EDN3: variants seen among roughly 807,000 people sequenced by gnomAD.
EDN3 encodes endothelin 3, also known as endothelin-3.
Under a neutral mutation model 21.4 loss-of-function variants are expected in EDN3, and 9 were observed. That is an observed-to-expected ratio of 0.42 (90% CI 0.25 to 0.73). The LOEUF (loss-of-function observed/expected upper bound fraction) is 0.73, where lower values mean the gene tolerates loss of function less well. Among genes scored for constraint, EDN3 ranks in the 30% least tolerant of loss-of-function variants. The pLI is 0.26. For synonymous variants in EDN3, 133 were observed against 126.2 expected, an observed-to-expected ratio of 1.05 and a Z score of -0.36; for missense variants, 327 against 309.4, an observed-to-expected ratio of 1.06 and a Z score of -0.43.
At chr20:59,302,927 C>T (rs1336615108) in intron 2 of EDN3, among the ~76,000 whole-genome samples, 4 of 152,088 alleles carry the variant, frequency 2.6e-5, no homozygotes, top group South Asian at 2.1e-4. Flanking sequence ...GAAGTGCAGA[C>T]GAGGGTAGTA....
intron 2 of EDN3, among the ~76,000 whole-genome samples, chr20:59,303,114 T>C (rs1989162034): frequency 6.6e-6 from 1 of 152,240 alleles, no homozygotes; most frequent in East Asian, 1.9e-4. Context: ...CTTAAAGTCC[T>C]GCTGTCACTG....
At chr20:59,317,387 C>T (rs1386060265) in intron 2 of EDN3, among the ~76,000 whole-genome samples, 1 of 152,192 alleles carries the variant, frequency 6.6e-6, no homozygotes, top group Admixed American at 6.5e-5. Flanking sequence ...ACTTGACCTC[C>T]CAGACCAGAT....
chr20:59,306,488 A>C (rs1272639000), intron 2 of EDN3, among the ~76,000 whole-genome samples: 2 of 151,408 alleles, frequency 1.3e-5, no homozygotes, highest in African/African-American at 4.8e-5. Context: ...TCCTATCAAG[A>C]TGCCCAGGCC....
At chr20:59,304,262 A>G (rs183270307) in intron 2 of EDN3, among the ~76,000 whole-genome samples, 18 of 152,314 alleles carry the variant, frequency 1.2e-4, no homozygotes, top group Admixed American at 1.1e-3. Flanking sequence ...GAATCTAAAA[A>G]ATCACTGAAT....
intron 2 of EDN3, among the ~76,000 whole-genome samples, chr20:59,304,067 C>T (rs1402494077): frequency 6.6e-6 from 1 of 151,914 alleles, no homozygotes; most frequent in Non-Finnish European, 1.5e-5. Flanking sequence ...TTCCTCCTGC[C>T]CTCCCTCCCT....
chr20:59,306,343 C>G (rs920740697), intron 2 of EDN3, among the ~76,000 whole-genome samples: 5 of 152,136 alleles, frequency 3.3e-5, no homozygotes, highest in Admixed American at 6.5e-5. Context: ...CCCTTGAGTC[C>G]TGGCCATGAC....
intron 2 of EDN3, among the ~76,000 whole-genome samples, chr20:59,306,329 G>A (rs1211025980): frequency 1.3e-5 from 2 of 152,178 alleles, no homozygotes; most frequent in Non-Finnish European, 2.9e-5. Flanking sequence ...ACCCAGAAGT[G>A]CTGCCCTTGA....
chr20:59,311,521 G>A (rs1264711282), intron 2 of EDN3, among the ~76,000 whole-genome samples: 6 of 152,094 alleles, frequency 3.9e-5, no homozygotes, highest in Non-Finnish European at 8.8e-5. Flanking sequence ...ATGTTGCCAT[G>A]GCATTTGTAA....
intron 4 of EDN3, among the ~76,000 whole-genome samples, chr20:59,323,885 G>C (rs1407225313): frequency 6.6e-6 from 1 of 152,220 alleles, no homozygotes; most frequent in African/African-American, 2.4e-5. Flanking sequence ...AGATGTCCCA[G>C]CAGGGCCTGG....
chr20:59,309,565 G>A (rs183387952), intron 2 of EDN3, among the ~76,000 whole-genome samples: 96 of 152,256 alleles, frequency 6.3e-4, no homozygotes, highest in South Asian at 4.4e-3. Context: ...GATTAAAAGG[G>A]ACCCTGAGCT....
intron 1 of EDN3, among the ~76,000 whole-genome samples, 164 bp from the exon 2 acceptor site, chr20:59,301,246 A>G (rs143668516): frequency 2.0e-5 from 3 of 152,348 alleles, no homozygotes; most frequent in East Asian, 3.9e-4. Context: ...CAAGCTTTTC[A>G]CAGAGTGTGC....
Position 59,305,385 on chromosome 20 carries a change from C to T in EDN3, c.365+3663C>T, listed in dbSNP as rs964515914. On this transcript the variant is annotated intron_variant, in intron 2 of 4. Coordinates refer to ENST00000337938, the MANE Select transcript of EDN3 (RefSeq NM_207034.3). The surrounding 1 kb of genome is among the most constrained non-coding windows in gnomAD (Gnocchi z 4.2). The stretch of plus-strand genomic sequence containing the variant: ...CGTGTGCTGATGTCCTTGTACACTG[C>T]GGCTGTCCTCTATGAGCAGACTGAA... Among the ~76,000 whole-genome samples, 4 of 152,206 alleles carry T rather than the reference C, an allele frequency of 2.6e-5. No homozygotes were observed. The highest frequency in any genetic ancestry group is 5.9e-5 in the Non-Finnish European group (4 of 68,030).
Position 59,322,384 on chromosome 20 carries a change from G to C in EDN3, c.555G>C (p.Thr185=), listed in dbSNP as rs770991287. ...TCTCTCCCCACAGTAATTCAAGGAC[G>C]GCAGAAAAAACAGACAAAGAAGAGG... ...QTLDVSSNSR[T]AEKTDKEEEG... The change falls in exon 4 of 5, where the codon ACG becomes ACC. Residue 185 remains threonine, a synonymous_variant. Transcript: ENST00000337938. The surrounding 1 kb of genome is among the most constrained non-coding windows in gnomAD (Gnocchi z 4.1). 6.2e-7 allele frequency: 1 copy of C among 1,614,036 alleles called. No homozygotes were observed. The highest frequency in any genetic ancestry group is 8.5e-7 in the Non-Finnish European group (1 of 1,180,038).
chr20:59,321,134 T>A lies in EDN3; in HGVS notation c.483T>A (p.Cys161Ter). 2 of 1,614,202 alleles carry A rather than the reference T, an allele frequency of 1.2e-6. No homozygotes were observed. The highest frequency in any genetic ancestry group is 1.7e-6 in the Non-Finnish European group (2 of 1,180,026). ...LSHRPHLRCACVGRYDKACLH... is the reference protein window; with the variant it reads ...LSHRPHLRCA Reference sequence around the variant, plus strand: ...ATCGGCCACACTTGCGCTGCGCTTGTGTGGGGAGATATGACAAGGCCTGCC... The same window carrying A: ...ATCGGCCACACTTGCGCTGCGCTTGAGTGGGGAGATATGACAAGGCCTGCC... The change falls in exon 3 of 5, where the codon TGT (cysteine) becomes TGA (stop). Residue 161 changes from cysteine to a stop codon, truncating the protein, a stop_gained. Transcript: ENST00000337938. LOFTEE classifies it high-confidence loss of function.
intron 2 of EDN3, among the ~76,000 whole-genome samples, chr20:59,312,864 G>A (rs890470178): frequency 2.6e-5 from 4 of 152,162 alleles, no homozygotes; most frequent in African/African-American, 9.7e-5. Flanking sequence ...CAGAAGGAAG[G>A]TGCCCACCTT....
intron 1 of EDN3, 147 bp downstream of exon 1, chr20:59,301,011 C>G: frequency 9.9e-7 from 1 of 1,005,414 alleles, no homozygotes; most frequent in Non-Finnish European, 1.4e-6. Flanking sequence ...TGGGGGAGGG[C>G]TGGGGAGCAG....
chr20:59,320,988 C>T, intron 2 of EDN3, 29 bp from the exon 3 acceptor site: 1 of 1,613,920 alleles, frequency 6.2e-7, no homozygotes, highest in Non-Finnish European at 8.5e-7. Flanking sequence ...CCTGGGTGTG[C>T]TCACCTAACA....
rs1253344042 is a variant in EDN3, at chr20:59,301,491, A to C, written c.134A>C (p.Asp45Ala). The change falls in exon 2 of 5, where the codon GAC becomes GCC. Residue 45 changes from aspartate to alanine, a missense_variant. Transcript: ENST00000337938. ...QAPTAARSEG[D>A]CEETVAGPGE... is the part of the protein sequence containing the mutation. ...CCCACTGCAGCCAGATCTGAGGGGG[A>C]CTGTGAAGAGACTGTGGCTGGCCCT... is the stretch of plus-strand genomic sequence containing the variant. 3 of 1,613,014 alleles carry C rather than the reference A, an allele frequency of 1.9e-6. No individual in the cohort carries two copies. The highest frequency in any genetic ancestry group is 2.5e-6 in the Non-Finnish European group (3 of 1,179,780).
intron 1 of EDN3, 80 bp from the exon 2 acceptor site, chr20:59,301,330 C>G (rs1229597320): frequency 2.0e-5 from 30 of 1,532,052 alleles, no homozygotes; most frequent in Non-Finnish European, 2.7e-5. Flanking sequence ...GCTCCACCCC[C>G]CTCCTCAGGT....
Sources: allele counts gnomAD v4.1 joint callset (sites outside exome capture counted in the v4.1 genomes callset), GRCh38; gene constraint gnomAD v4.1.1; non-coding constraint Gnocchi (gnomAD v3.1); transcripts MANE v1.5; gene names NCBI Gene and HGNC (gene_info 2026-07-23, HGNC 2026-07-21).